The following ELMO1 variants were observed in gnomAD, a reference collection of about 807,000 sequenced individuals.
The protein encoded by ELMO1 is engulfment and cell motility protein 1.
ELMO1 carries 26 observed loss-of-function variants against 98.9 expected under a neutral mutation model. That is an observed-to-expected ratio of 0.26 (90% CI 0.19 to 0.36). The LOEUF (loss-of-function observed/expected upper bound fraction) is 0.36, where lower values mean the gene tolerates loss of function less well. ELMO1 is among the 10% of genes least tolerant of loss of function. The pLI, the probability that ELMO1 is intolerant of heterozygous loss-of-function variation, is 1.00. For missense variants in ELMO1, 627 were observed against 935.2 expected, an observed-to-expected ratio of 0.67 and a Z score of 4.30; for synonymous variants, 346 against 346.0, an observed-to-expected ratio of 1.00 and a Z score of 0.00.
chr7:36,888,893 C>G (rs1805278946), intron 17 of ELMO1, among the ~76,000 whole-genome samples: 2 of 152,184 alleles, frequency 1.3e-5, no homozygotes, highest in Non-Finnish European at 2.9e-5. Context: ...CTGCTATGAG[C>G]CAGGTAGTGC....
At chr7:37,351,104 C>T (rs945377706) in intron 1 of ELMO1, 38 of 152,332 alleles carry the variant, frequency 2.5e-4, no homozygotes, top group African/African-American at 8.7e-4. Flanking sequence ...AGCTTAAAAA[C>T]TTCTGAATTC....
chr7:36,968,591 CTA>C (rs1402083272), intron 16 of ELMO1, among the ~76,000 whole-genome samples: 6 of 152,100 alleles, frequency 3.9e-5, no homozygotes, highest in African/African-American at 9.7e-5. Context: ...CTCTATGTCT[CTA>C]TGTCATTTTC....
chr7:36,980,843 CT>C (rs1790989751), intron 16 of ELMO1, among the ~76,000 whole-genome samples: 2 of 152,160 alleles, frequency 1.3e-5, no homozygotes. Flanking sequence ...AGCAATTCAT[CT>C]TGCTCTGAGA....
intron 5 of ELMO1, among the ~76,000 whole-genome samples, chr7:37,266,113 G>T (rs894643457): frequency 6.6e-6 from 1 of 152,104 alleles, no homozygotes; most frequent in Non-Finnish European, 1.5e-5. Flanking sequence ...ATCCTGTGTC[G>T]CCTCTGCCTG....
At chr7:37,384,787 G>A (rs1184527052) in intron 1 of ELMO1, among the ~76,000 whole-genome samples, 1 of 151,522 alleles carries the variant, frequency 6.6e-6, no homozygotes, top group Non-Finnish European at 1.5e-5. Context: ...AGATCTACTT[G>A]AGAGGTTGCC....
At chr7:36,978,000 G>T (rs1308935743) in intron 16 of ELMO1, among the ~76,000 whole-genome samples, 1 of 152,110 alleles carries the variant, frequency 6.6e-6, no homozygotes, top group African/African-American at 2.4e-5. Context: ...CTCCATGCAG[G>T]TTAATCCATA....
intron 1 of ELMO1, among the ~76,000 whole-genome samples, chr7:37,411,979 C>A (rs1289835439): frequency 2.0e-5 from 3 of 152,118 alleles, no homozygotes; most frequent in Non-Finnish European, 2.9e-5. Flanking sequence ...AAATTCTGTT[C>A]AAATTAAAGT....
intron 1 of ELMO1, chr7:37,353,046 T>G (rs1483804636): frequency 6.6e-6 from 1 of 152,206 alleles, no homozygotes; most frequent in Non-Finnish European, 1.5e-5. Flanking sequence ...AGACTGCCAA[T>G]GGTCCATTTG....
chr7:37,131,979 A>G (rs1056643458), intron 14 of ELMO1, among the ~76,000 whole-genome samples: 1 of 152,204 alleles, frequency 6.6e-6, no homozygotes, highest in Admixed American at 6.5e-5. Flanking sequence ...ACGGTCCCAT[A>G]GATTACAGAT....
intron 1 of ELMO1, among the ~76,000 whole-genome samples, chr7:37,411,255 T>C (rs1803981787): frequency 6.6e-6 from 1 of 152,206 alleles, no homozygotes; most frequent in Non-Finnish European, 1.5e-5. Context: ...GCAAACAAAG[T>C]TCCCTCTCTT....
chr7:37,209,274 T>C (rs185784609), intron 13 of ELMO1, among the ~76,000 whole-genome samples: 57 of 152,324 alleles, frequency 3.7e-4, no homozygotes, highest in East Asian at 3.7e-3. Context: ...GATTCTATAG[T>C]AATCCTATCT....
intron 4 of ELMO1, among the ~76,000 whole-genome samples, chr7:37,298,116 G>A (rs1035155827): frequency 1.3e-5 from 2 of 152,036 alleles, no homozygotes; most frequent in Non-Finnish European, 2.9e-5. Flanking sequence ...ACTGAAAAAA[G>A]AATGCTTTAT....
At chr7:36,952,097 C>T (rs1176737393) in intron 16 of ELMO1, among the ~76,000 whole-genome samples, 3 of 152,172 alleles carry the variant, frequency 2.0e-5, no homozygotes, top group Non-Finnish European at 4.4e-5. Context: ...GACTGATGAA[C>T]AGGTGCATCC....
intron 6 of ELMO1, among the ~76,000 whole-genome samples, chr7:37,253,552 G>A (rs1185097171): frequency 6.6e-6 from 1 of 152,086 alleles, no homozygotes; most frequent in Non-Finnish European, 1.5e-5. Context: ...ACAGGGCGGG[G>A]AACATCACAC....
intron 13 of ELMO1, among the ~76,000 whole-genome samples, chr7:37,172,239 T>C (rs1268269573): frequency 6.6e-6 from 1 of 151,984 alleles, no homozygotes; most frequent in Admixed American, 6.6e-5. Flanking sequence ...CTCCCCTTCG[T>C]TGAAAATCGC....
At chr7:37,241,990 A>C (rs1389931282) in intron 7 of ELMO1, among the ~76,000 whole-genome samples, 1 of 152,146 alleles carries the variant, frequency 6.6e-6, no homozygotes, top group Non-Finnish European at 1.5e-5. Context: ...TCTATCTACT[A>C]TCATGTCTCT....
intron 16 of ELMO1, among the ~76,000 whole-genome samples, chr7:36,987,646 C>G (rs1177087631): frequency 6.6e-6 from 1 of 152,288 alleles, no homozygotes; most frequent in Non-Finnish European, 1.5e-5. Context: ...TGAAGCCAAG[C>G]TGAACTATCC....
intron 16 of ELMO1, among the ~76,000 whole-genome samples, chr7:36,953,838 T>TG (rs1295941438): frequency 8.1e-6 from 1 of 124,164 alleles, no homozygotes; most frequent in Non-Finnish European, 1.6e-5. Flanking sequence ...ATGGGTATGT[T>TG]TTGTGTGTGT....
chr7:36,884,512 G>A (rs1368880478), intron 18 of ELMO1, among the ~76,000 whole-genome samples: 1 of 152,138 alleles, frequency 6.6e-6, no homozygotes, highest in Admixed American at 6.5e-5. Flanking sequence ...CAAAGACATT[G>A]AGCAGATTGC....
Sources: gnomAD v4.1 joint callset for allele counts (sites outside exome capture counted in the v4.1 genomes callset) on GRCh38, gnomAD v4.1.1 for gene constraint, MANE v1.5 for transcripts, NCBI Gene and HGNC (gene_info 2026-07-23, HGNC 2026-07-21) for gene names.